The following MYH10 variants were observed in gnomAD, a reference collection of about 807,000 sequenced individuals.
The protein encoded by MYH10 is myosin-10.
Under a neutral mutation model 257.8 loss-of-function variants are expected in MYH10, and 55 were observed. The ratio of observed to expected loss-of-function variants is 0.21; its 90% CI spans 0.17 to 0.27. The LOEUF is 0.27. MYH10 is among the 10% of genes least tolerant of loss of function. The pLI is 1.00. For synonymous variants in MYH10, 854 were observed against 921.7 expected, an observed-to-expected ratio of 0.93 and a Z score of 1.33; for missense variants, 1,631 against 2,500.6, an observed-to-expected ratio of 0.65 and a Z score of 7.42.
At chr17:8,483,550 C>T (rs1914229821) in intron 37 of MYH10, among the ~76,000 whole-genome samples, 1 of 152,190 alleles carries the variant, frequency 6.6e-6, no homozygotes, top group Non-Finnish European at 1.5e-5. Flanking sequence ...CTGATAATAA[C>T]ATTTAACTTA....
At chr17:8,510,052 T>TTC (rs1433667104) in intron 24 of MYH10, 103 bp from the exon 25 acceptor site, 1 of 1,258,548 alleles carries the variant, frequency 7.9e-7, no homozygotes, top group Non-Finnish European at 1.0e-6. Context: ...TTTTTTTTTT[T>TTC]TTTTGACACG....
chr17:8,587,992 T>G (rs556910020), intron 4 of MYH10, among the ~76,000 whole-genome samples: 10 of 152,156 alleles, frequency 6.6e-5, no homozygotes, highest in African/African-American at 2.4e-4. Flanking sequence ...GCTCATCTCA[T>G]CCACTCAATC....
chr17:8,487,290 A>C, intron 36 of MYH10, 143 bp downstream of exon 36: 1 of 911,100 alleles, frequency 1.1e-6, no homozygotes, highest in Non-Finnish European at 1.7e-6. Context: ...CGGACACACA[A>C]GCACTCTCTT....
intron 2 of MYH10, among the ~76,000 whole-genome samples, chr17:8,614,307 CTTTTTTTTTTTTTT>C (rs35801623): frequency 1.3e-4 from 10 of 77,128 alleles, no homozygotes; most frequent in Non-Finnish European, 2.2e-4. Context: ...CAATTCACTT[CTTTTTTTTTTTTTT>C]TTTTTTTTTT....
intron 3 of MYH10, among the ~76,000 whole-genome samples, chr17:8,597,297 TAGAA>T (rs1435747685): frequency 1.4e-5 from 2 of 145,104 alleles, no homozygotes; most frequent in African/African-American, 2.5e-5. Context: ...AGTCTAAAGA[TAGAA>T]AGACAAGAAA....
chr17:8,520,303 T>C (rs1057293921), intron 19 of MYH10, among the ~76,000 whole-genome samples: 10 of 152,156 alleles, frequency 6.6e-5, no homozygotes, highest in Non-Finnish European at 2.9e-5. Flanking sequence ...GAGACCATCC[T>C]GGCTAGCTCA....
At chr17:8,521,612 T>A in intron 17 of MYH10, 1 of 287,826 alleles carries the variant, frequency 3.5e-6, no homozygotes, top group Non-Finnish European at 6.6e-6. Flanking sequence ...TGAAAACTCA[T>A]TGGCTGGCAT....
At chr17:8,533,766 T>C (rs1269583371) in intron 16 of MYH10, among the ~76,000 whole-genome samples, 2 of 152,190 alleles carry the variant, frequency 1.3e-5, no homozygotes, top group Non-Finnish European at 2.9e-5. Context: ...CCATGGCATT[T>C]ATCACAGATC....
chr17:8,515,219 T>G (rs940827302), intron 21 of MYH10, among the ~76,000 whole-genome samples: 1 of 152,234 alleles, frequency 6.6e-6, no homozygotes, highest in African/African-American at 2.4e-5. Flanking sequence ...GCTATAGGAC[T>G]CTCCTGGGAA....
chr17:8,515,929 C>T (rs567529036), intron 21 of MYH10, among the ~76,000 whole-genome samples: 1 of 152,336 alleles, frequency 6.6e-6, no homozygotes, highest in East Asian at 1.9e-4. Context: ...AAGCATCCAC[C>T]TTCCAATTCT....
chr17:8,537,130 T>C (rs7217027), intron 14 of MYH10, among the ~76,000 whole-genome samples: 146,860 of 152,310 alleles, frequency 0.96, 71,037 homozygotes, highest in East Asian at 1. Context: ...GATATTTAAA[T>C]AGTGATGGTC....
chr17:8,504,126 A>G lies in MYH10; in HGVS notation c.3599+568T>C, dbSNP rs543073590. 1.3e-5 allele frequency among the ~76,000 whole-genome samples: 2 copies of G among 152,172 alleles called. No homozygotes were observed. Among genetic ancestry groups the G allele is most frequent in the Admixed American group, 1.3e-4 (2 of 15,296 alleles). On this transcript the variant is annotated intron_variant, in intron 28 of 42. Transcript: ENST00000360416. The surrounding 1 kb of genome is among the most constrained non-coding windows in gnomAD (Gnocchi z 5.6). ...GAGCCTTCTCTGGCCATGTTCACCTATGCTCGTCACTTTTTTCATGCCCGC... is the reference window on the plus strand; with the variant it reads ...GAGCCTTCTCTGGCCATGTTCACCTGTGCTCGTCACTTTTTTCATGCCCGC...
chr17:8,574,864 A>T (rs914979467), intron 6 of MYH10, among the ~76,000 whole-genome samples: 2 of 152,218 alleles, frequency 1.3e-5, no homozygotes, highest in Admixed American at 6.5e-5. Context: ...CAGCAGGGGG[A>T]GAAGTAACTT....
intron 7 of MYH10, among the ~76,000 whole-genome samples, chr17:8,565,509 TC>T (rs1567908774): frequency 6.6e-6 from 1 of 152,184 alleles, no homozygotes; most frequent in Non-Finnish European, 1.5e-5. Flanking sequence ...AAAATACGTA[TC>T]AATAAAAGTT....
intron 7 of MYH10, among the ~76,000 whole-genome samples, chr17:8,558,763 G>T (rs1285198424): frequency 1.3e-5 from 2 of 152,198 alleles, no homozygotes; most frequent in Non-Finnish European, 2.9e-5. Flanking sequence ...ACAAGAGAAA[G>T]ATCTTTTTTG....
At chr17:8,562,309 G>C (rs2083024366) in intron 7 of MYH10, among the ~76,000 whole-genome samples, 1 of 151,930 alleles carries the variant, frequency 6.6e-6, no homozygotes, top group African/African-American at 2.4e-5. Flanking sequence ...TTGAGTGTTG[G>C]CCACTTGGCC....
intron 21 of MYH10, among the ~76,000 whole-genome samples, chr17:8,516,082 T>C (rs1194138806): frequency 6.6e-6 from 1 of 152,200 alleles, no homozygotes; most frequent in Admixed American, 6.5e-5. Context: ...TTTAGTGGAA[T>C]GAGGCAGCTG....
intron 36 of MYH10, among the ~76,000 whole-genome samples, chr17:8,485,217 CA>C (rs1914552256): frequency 1.3e-5 from 2 of 151,644 alleles, no homozygotes; most frequent in African/African-American, 4.8e-5. Context: ...TATGAACATT[CA>C]AAATAAAGCA....
chr17:8,561,043 C>A (rs944393820), intron 7 of MYH10: 1 of 572,024 alleles, frequency 1.7e-6, no homozygotes, highest in Non-Finnish European at 3.1e-6. Flanking sequence ...ATCCCACTTG[C>A]TCACAATATC....
Sources: gnomAD v4.1 joint callset for allele counts (sites outside exome capture counted in the v4.1 genomes callset) on GRCh38, gnomAD v4.1.1 for gene constraint, Gnocchi (gnomAD v3.1) non-coding constraint, MANE v1.5 for transcripts, NCBI Gene and HGNC (gene_info 2026-07-23, HGNC 2026-07-21) for gene names.